The following ASTN2 variants were observed in gnomAD, a reference collection of about 807,000 sequenced individuals.
ASTN2 encodes astrotactin 2.
In ASTN2, 54 loss-of-function variants were observed where a neutral mutation model predicts 139.8. The observed-to-expected ratio is 0.39, with a 90% confidence interval of 0.31 to 0.48. The LOEUF (loss-of-function observed/expected upper bound fraction) is 0.48. Among genes scored for constraint, ASTN2 ranks in the 20% least tolerant of loss-of-function variants. ASTN2 has a pLI of 0.95. For missense variants in ASTN2, 1,565 were observed against 1,725.1 expected (o/e 0.91, Z 1.64); for synonymous variants, 756 against 719.5 (o/e 1.05, Z -0.81).
At chr9:117,394,843 G>T (rs988917637) in intron 1 of ASTN2, among the ~76,000 whole-genome samples, 1 of 152,132 alleles carries the variant, frequency 6.6e-6, no homozygotes, top group African/African-American at 2.4e-5. Flanking sequence ...TCTTAATCCT[G>T]TAAAGCAGTG....
Position 116,756,654 on chromosome 9 carries a change from C to T in ASTN2, c.2397-23131G>A, listed in dbSNP as rs368517084. Among the ~76,000 whole-genome samples, 16 of 152,188 alleles carry T rather than the reference C, an allele frequency of 1.1e-4. No individual in the cohort carries two copies. In the East Asian group the frequency reaches 1.9e-3, roughly 18 times the overall value. ...AAACCCTACCCCCAACTCCCTTCCA[C>T]TAGTCAGCCTTCTTCTATCAGCAGC... On this transcript the variant is annotated intron_variant, in intron 13 of 22. Transcript: ENST00000313400.
Position 117,307,117 on chromosome 9 carries a change from C to T in ASTN2, c.443-15604G>A, listed in dbSNP as rs140600730. Among the ~76,000 whole-genome samples the T allele has an allele frequency of 4.6e-3, 697 of 152,270 alleles. 16 individuals are homozygous for T. Among genetic ancestry groups the T allele is most frequent in the Admixed American group, 0.04 (611 of 15,284 alleles). ...AAAAACCCCTGTGAAAATGTTCAAC[C>T]GGGGGAACACACCCATTTATATGTC... is the stretch of plus-strand genomic sequence containing the variant. On this transcript the variant is annotated intron_variant, in intron 1 of 22. Coordinates refer to ENST00000313400, the MANE Select transcript of ASTN2 (RefSeq NM_001365068.1).
intron 7 of ASTN2, among the ~76,000 whole-genome samples, chr9:116,996,617 A>G (rs1837024853): frequency 6.6e-6 from 1 of 152,086 alleles, no homozygotes; most frequent in African/African-American, 2.4e-5. Context: ...TGGATGAGGA[A>G]CAGATTGTCC....
intron 3 of ASTN2, among the ~76,000 whole-genome samples, chr9:117,203,946 T>C (rs1024892083): frequency 1.4e-4 from 22 of 152,254 alleles, no homozygotes; most frequent in Admixed American, 5.2e-4. Flanking sequence ...TCATCAGAAC[T>C]ACCAGAAGGA....
chr9:116,451,820 A>G (rs1334596624), intron 20 of ASTN2, among the ~76,000 whole-genome samples: 2 of 100,928 alleles, frequency 2.0e-5, no homozygotes, highest in Non-Finnish European at 3.8e-5. Context: ...ATATATAAAT[A>G]CTATGCAAAT....
At chr9:117,113,560 G>A (rs1158709935) in intron 4 of ASTN2, among the ~76,000 whole-genome samples, 2 of 152,188 alleles carry the variant, frequency 1.3e-5, no homozygotes, top group African/African-American at 4.8e-5. Flanking sequence ...GGAGGCTGAT[G>A]CAGGAGAATC....
intron 7 of ASTN2, among the ~76,000 whole-genome samples, chr9:116,988,347 A>G (rs932086760): frequency 7.2e-5 from 11 of 152,236 alleles, no homozygotes; most frequent in African/African-American, 2.4e-4. Context: ...AATGGGCTCC[A>G]TAAGTATCAC....
At position 116,716,400 on chromosome 9, in the gene ASTN2, T is replaced by C. The variant is rs557423334; in HGVS notation, c.2806+9371A>G. Among the ~76,000 whole-genome samples, 11 of 152,312 alleles carry C rather than the reference T, an allele frequency of 7.2e-5. No homozygotes were observed. The South Asian group carries it at 1.0e-3, about 14-fold the overall frequency. On this transcript the variant is annotated intron_variant, in intron 16 of 22. Coordinates refer to ENST00000313400, the MANE Select transcript of ASTN2 (RefSeq NM_001365068.1). Reference sequence around the variant, plus strand: ...GTCTTTGAATTTGTTCTAAGTTTTCTGGAGAGGGAAGGCCAAACCATGTTT... The same window carrying C: ...GTCTTTGAATTTGTTCTAAGTTTTCCGGAGAGGGAAGGCCAAACCATGTTT...
chr9:116,930,491 C>T (rs1411847473), intron 10 of ASTN2, among the ~76,000 whole-genome samples: 1 of 152,042 alleles, frequency 6.6e-6, no homozygotes, highest in Non-Finnish European at 1.5e-5. Context: ...TACCCAAGAA[C>T]TCTATATACT....
At chr9:117,322,994 A>G (rs1828382684) in intron 1 of ASTN2, among the ~76,000 whole-genome samples, 1 of 152,144 alleles carries the variant, frequency 6.6e-6, no homozygotes, top group African/African-American at 2.4e-5. Context: ...AGTCAAGTCC[A>G]GAATTTAATA....
rs755026946 is a variant in ASTN2 at position 116,725,883 on chromosome 9, C to T, written c.2694G>A (p.Gln898=). The T allele has an allele frequency of 8.1e-6, 13 of 1,614,072 alleles. No homozygotes were observed. The highest frequency in any genetic ancestry group is 1.0e-5 in the Non-Finnish European group (12 of 1,180,028). Reference sequence around the variant, plus strand: ...CTGCGATGTAGTGGGAGCCATAGTGCTGGATGAAGGACAGCAGCTCCTCCC... The same window carrying T: ...CTGCGATGTAGTGGGAGCCATAGTGTTGGATGAAGGACAGCAGCTCCTCCC... ...SSREELLSFI[Q]HYGSHYIAEA... is the part of the protein sequence containing the mutation. Residue 898 remains glutamine, a synonymous_variant, in exon 16 of 23, where the codon CAG becomes CAA. Coordinates refer to ENST00000313400, the MANE Select transcript of ASTN2 (RefSeq NM_001365068.1).
chr9:116,621,445 A>G (rs953522140), intron 17 of ASTN2, among the ~76,000 whole-genome samples: 8 of 149,092 alleles, frequency 5.4e-5, no homozygotes, highest in African/African-American at 9.8e-5. Context: ...ATGCACGCAC[A>G]CACACACACA....
At chr9:116,978,491 T>TCACG (rs1836418007) in intron 7 of ASTN2, among the ~76,000 whole-genome samples, 4 of 116,172 alleles carry the variant, frequency 3.4e-5, no homozygotes, top group African/African-American at 7.4e-5. Context: ...TCTCTCTCTC[T>TCACG]CACGCACACA....
chr9:116,699,769 T>G lies in ASTN2; in HGVS notation c.2806+26002A>C. 1 of 1,609,558 alleles carries G rather than the reference T, an allele frequency of 6.2e-7. No individual in the cohort carries two copies. Among genetic ancestry groups the G allele is most frequent in the Non-Finnish European group, 8.5e-7 (1 of 1,176,608 alleles). The stretch of plus-strand genomic sequence containing the variant: ...CTTCCCTTCCCTTAGTTCTTGGTTG[T>G]TAGTGGCACATGCAGAATAGACTCA... On this transcript the variant is annotated intron_variant, in intron 16 of 22. Transcript: ENST00000313400. This position sits in a 1 kb window ranked among gnomAD's most constrained non-coding sequence, Gnocchi z 4.2.
intron 7 of ASTN2, among the ~76,000 whole-genome samples, chr9:116,987,244 T>G (rs1038079277): frequency 4.6e-5 from 7 of 152,356 alleles, no homozygotes; most frequent in African/African-American, 9.6e-5. Context: ...CCCCTTGCTG[T>G]TCTCATGATA....
intron 7 of ASTN2, among the ~76,000 whole-genome samples, chr9:116,986,821 C>A (rs1410092928): frequency 1.3e-5 from 2 of 152,234 alleles, no homozygotes; most frequent in African/African-American, 4.8e-5. Flanking sequence ...CCAGGCTGCA[C>A]TGACTCCCTT....
At chr9:116,552,845 G>C (rs1405414105) in intron 19 of ASTN2, among the ~76,000 whole-genome samples, 1 of 152,228 alleles carries the variant, frequency 6.6e-6, no homozygotes, top group Non-Finnish European at 1.5e-5. Context: ...CAGTGGACGT[G>C]CACAACCTCT....
intron 19 of ASTN2, among the ~76,000 whole-genome samples, chr9:116,573,020 C>CACACACAA (rs1554715501): frequency 1.6e-4 from 25 of 151,674 alleles, no homozygotes; most frequent in African/African-American, 5.1e-4. Context: ...CATGCACACA[C>CACACACAA]ACACACACAC....
At chr9:116,486,485 A>G (rs1424004663) in intron 20 of ASTN2, among the ~76,000 whole-genome samples, 1 of 152,236 alleles carries the variant, frequency 6.6e-6, no homozygotes, top group East Asian at 1.9e-4. Flanking sequence ...TTGGGTAGAC[A>G]GATAGTTAAA....
Sources: gnomAD v4.1 joint callset for allele counts (sites outside exome capture counted in the v4.1 genomes callset) on GRCh38, gnomAD v4.1.1 for gene constraint, Gnocchi (gnomAD v3.1) non-coding constraint, MANE v1.5 for transcripts, NCBI Gene and HGNC (gene_info 2026-07-23, HGNC 2026-07-21) for gene names.